The following FSHR variants were observed in gnomAD, a reference collection of about 807,000 sequenced individuals.
FSHR encodes the protein follicle-stimulating hormone receptor.
Under a neutral mutation model 52.1 loss-of-function variants are expected in FSHR, and 46 were observed. The ratio of observed to expected loss-of-function variants is 0.88; its 90% CI spans 0.70 to 1.13. The LOEUF is 1.13. FSHR is among the 50% of genes most tolerant of loss of function. The probability of loss-of-function intolerance (pLI) is 0.00; values close to 1 mark genes in which losing one functional copy is unlikely to be tolerated. For missense variants in FSHR, 964 were observed against 834.6 expected (o/e 1.16, Z -1.91); for synonymous variants, 399 against 309.6 (o/e 1.29, Z -3.03).
chr2:48,994,111 G>A (rs1675912436), intron 4 of FSHR, among the ~76,000 whole-genome samples: 1 of 152,136 alleles, frequency 6.6e-6, no homozygotes, highest in Non-Finnish European at 1.5e-5. Flanking sequence ...TGTGCTCAAT[G>A]TTTGCCAAGC....
At chr2:49,009,185 T>A (rs370411115) in intron 4 of FSHR, among the ~76,000 whole-genome samples, 2 of 151,606 alleles carry the variant, frequency 1.3e-5, no homozygotes, top group Admixed American at 1.3e-4. Context: ...CTTTAATCCA[T>A]CTTGAATTGA....
Position 48,969,011 on chromosome 2 carries a change from C to T in FSHR, c.669-128G>A, listed in dbSNP as rs1674612371. On this transcript the variant is annotated intron_variant, in intron 8 of 9. Transcript: ENST00000406846. ...TGGATGAGGAGAGAGACTCCGGTTC[C>T]TCCAACACACCTTGGCCAGATGGAT... The T allele has an allele frequency of 3.6e-6, 3 of 839,658 alleles. No individual in the cohort carries two copies. In the Admixed American group the frequency reaches 6.2e-5, roughly 17 times the overall value. The allele number at this position is 839,658 out of a possible 1,614,324, so 52.0% of individuals were successfully genotyped here.
intron 4 of FSHR, among the ~76,000 whole-genome samples, chr2:49,002,619 T>C (rs1224047332): frequency 6.6e-6 from 1 of 152,040 alleles, no homozygotes; most frequent in Non-Finnish European, 1.5e-5. Flanking sequence ...TTGTGAGAAC[T>C]CGCTGATTGT....
rs75665223 is a variant in FSHR, at chr2:49,055,531, C to CAAA, written c.224+12685_224+12687dup. ...GATGAACATCCAGATCCAGGAAGCT[C>CAAA]AAAAAAAAAAAAAAAAAAAAAAAAA... On this transcript the variant is annotated intron_variant, in intron 2 of 9. Coordinates refer to ENST00000406846, the MANE Select transcript of FSHR (RefSeq NM_000145.4). 5.0e-3 allele frequency among the ~76,000 whole-genome samples: 254 copies of CAAA among 51,094 alleles called. 2 individuals are homozygous for CAAA. Among genetic ancestry groups the CAAA allele is most frequent in the Non-Finnish European group, 5.8e-3 (170 of 29,064 alleles). The allele number at this position is 51,094 out of a possible 152,430, so 33.5% of individuals were successfully genotyped here.
chr2:49,057,299 A>G lies in FSHR; in HGVS notation c.224+10920T>C, dbSNP rs74585717. On this transcript the variant is annotated intron_variant, in intron 2 of 9. Coordinates refer to ENST00000406846, the MANE Select transcript of FSHR (RefSeq NM_000145.4). ...ACTAAGAAAAAATGGGAGAATAACCAAATAAATAAAATCAGAAATGAAAAA... is the reference window on the plus strand; with the variant it reads ...ACTAAGAAAAAATGGGAGAATAACCGAATAAATAAAATCAGAAATGAAAAA... 2.2e-3 allele frequency among the ~76,000 whole-genome samples: 339 copies of G among 152,272 alleles called. 1 individual carries two copies. The highest frequency in any genetic ancestry group is 7.5e-3 in the African/African-American group (313 of 41,588).
chr2:49,138,517 G>A (rs367979383), intron 1 of FSHR, among the ~76,000 whole-genome samples: 14 of 152,066 alleles, frequency 9.2e-5, no homozygotes, highest in East Asian at 3.9e-4. Flanking sequence ...AATATTTTTC[G>A]ACCCTTAAAA....
chr2:48,998,126 T>A (rs565911794), intron 4 of FSHR, among the ~76,000 whole-genome samples: 2 of 152,148 alleles, frequency 1.3e-5, no homozygotes, highest in African/African-American at 4.8e-5. Flanking sequence ...AGATGACTTA[T>A]ACATTTTTTT....
chr2:49,026,777 T>C (rs1401737359), intron 2 of FSHR, among the ~76,000 whole-genome samples: 1 of 152,056 alleles, frequency 6.6e-6, no homozygotes, highest in East Asian at 1.9e-4. Flanking sequence ...GTACACCATA[T>C]TTACCCCAAC....
At chr2:48,983,074 TGAA>T in intron 7 of FSHR, 21 bp downstream of exon 7, 6 of 1,613,332 alleles carry the variant, frequency 3.7e-6, no homozygotes, top group African/African-American at 1.3e-5. Context: ...TAAATGGCCT[TGAA>T]GAATAGTCAG....
intron 8 of FSHR, among the ~76,000 whole-genome samples, chr2:48,981,551 T>C (rs149956770): frequency 6.6e-6 from 1 of 152,190 alleles, no homozygotes; most frequent in East Asian, 1.9e-4. Context: ...GATACTCCAT[T>C]TGTATAGGTT....
chr2:49,111,663 G>C (rs1671427294), intron 1 of FSHR, among the ~76,000 whole-genome samples: 1 of 152,060 alleles, frequency 6.6e-6, no homozygotes, highest in Non-Finnish European at 1.5e-5. Context: ...TATATGACGG[G>C]GCCTCTCTTG....
intron 2 of FSHR, among the ~76,000 whole-genome samples, chr2:49,029,877 C>A (rs993287750): frequency 1.3e-5 from 2 of 152,186 alleles, no homozygotes; most frequent in Non-Finnish European, 2.9e-5. Flanking sequence ...CCCTGGAATT[C>A]TGTGATTTTA....
chr2:49,106,966 G>A (rs1436601755), intron 1 of FSHR, among the ~76,000 whole-genome samples: 3 of 152,116 alleles, frequency 2.0e-5, no homozygotes, highest in Non-Finnish European at 4.4e-5. Flanking sequence ...GTGCCATTGT[G>A]TGAAAAAATA....
At chr2:49,053,898 C>T (rs1668959998) in intron 2 of FSHR, among the ~76,000 whole-genome samples, 2 of 152,092 alleles carry the variant, frequency 1.3e-5, no homozygotes, top group African/African-American at 4.8e-5. Context: ...AGGGCCTTGA[C>T]AACTCTATGA....
chr2:49,047,847 G>A (rs1261205080), intron 2 of FSHR, among the ~76,000 whole-genome samples: 1 of 152,144 alleles, frequency 6.6e-6, no homozygotes, highest in African/African-American at 2.4e-5. Flanking sequence ...TCACAAATAT[G>A]TACACATATC....
intron 1 of FSHR, among the ~76,000 whole-genome samples, chr2:49,136,894 AC>A: frequency 6.6e-6 from 1 of 152,226 alleles, no homozygotes; most frequent in Admixed American, 6.5e-5. Flanking sequence ...TGAAAAAACC[AC>A]CACTAACATC....
chr2:49,074,459 C>A (rs1663873956), intron 1 of FSHR, among the ~76,000 whole-genome samples: 1 of 152,028 alleles, frequency 6.6e-6, no homozygotes, highest in Non-Finnish European at 1.5e-5. Flanking sequence ...ATTAAAACCA[C>A]AACAAGATAT....
intron 2 of FSHR, among the ~76,000 whole-genome samples, chr2:49,028,648 T>C (rs1667991549): frequency 6.6e-6 from 1 of 152,192 alleles, no homozygotes; most frequent in Non-Finnish European, 1.5e-5. Context: ...GTTGTAGCAT[T>C]GTGAGAAGAA....
At chr2:49,028,881 A>C (rs897345027) in intron 2 of FSHR, among the ~76,000 whole-genome samples, 4 of 152,214 alleles carry the variant, frequency 2.6e-5, no homozygotes, top group African/African-American at 9.6e-5. Flanking sequence ...ATGAGAAAGA[A>C]AGAAACTTGT....
Sources: allele counts gnomAD v4.1 joint callset (sites outside exome capture counted in the v4.1 genomes callset), GRCh38; gene constraint gnomAD v4.1.1; transcripts MANE v1.5; gene names NCBI Gene and HGNC (gene_info 2026-07-23, HGNC 2026-07-21).